The following MARCHF6 variants were observed in gnomAD, a reference collection of about 807,000 sequenced individuals.
MARCHF6 encodes membrane associated ring-CH-type finger 6.
In MARCHF6, 31 loss-of-function variants were observed where a neutral mutation model predicts 133.7. The observed-to-expected ratio is 0.23, with a 90% CI of 0.17 to 0.31. MARCHF6 has a LOEUF of 0.31. Ranked by LOEUF, MARCHF6 falls within the 10% of genes least tolerant of loss-of-function variation. The probability of loss-of-function intolerance (pLI) is 1.00; values close to 1 mark genes in which losing one functional copy is unlikely to be tolerated. For synonymous variants in MARCHF6, 395 were observed against 402.5 expected (o/e 0.98, Z 0.22); for missense variants, 723 against 1,121.6 (o/e 0.64, Z 5.08).
intron 1 of MARCHF6, among the ~76,000 whole-genome samples, chr5:10,363,043 C>CA (rs1367512282): frequency 1.3e-5 from 2 of 151,844 alleles, no homozygotes; most frequent in Admixed American, 6.6e-5. Flanking sequence ...AAAATTAACT[C>CA]AAAGGGCTGT....
chr5:10,371,676 C>T (rs1353215341), intron 1 of MARCHF6, among the ~76,000 whole-genome samples: 1 of 152,200 alleles, frequency 6.6e-6, no homozygotes, highest in Non-Finnish European at 1.5e-5. Flanking sequence ...GGTGGGGACA[C>T]AGCCAAACCA....
intron 17 of MARCHF6, among the ~76,000 whole-genome samples, chr5:10,408,258 C>A (rs1416961363): frequency 2.0e-5 from 3 of 152,140 alleles, no homozygotes; most frequent in Non-Finnish European, 4.4e-5. Context: ...GATTATTTTA[C>A]CCCTGTGTTT....
chr5:10,437,547 A>G lies in MARCHF6; in HGVS notation c.*3863A>G, dbSNP rs1199618074. ...ATATCTTTGGCATTAATACGACATA[A>G]AGACAAGACAGTATATGTATGTTTT... On this transcript the variant is annotated 3_prime_UTR_variant, in exon 26 of 26. Transcript: ENST00000274140. 2 of 152,236 alleles carry G rather than the reference A, an allele frequency of 1.3e-5. No homozygotes were observed. The highest frequency in any genetic ancestry group is 2.9e-5 in the Non-Finnish European group (2 of 68,044). The allele number at this position is 152,236 out of a possible 1,614,324, so 9.4% of individuals were successfully genotyped here. A position where few individuals can be genotyped will look rare whatever the true frequency, so the allele number is the denominator to read the frequency against.
At chr5:10,376,188 C>T (rs529207945) in intron 1 of MARCHF6, among the ~76,000 whole-genome samples, 216 of 152,306 alleles carry the variant, frequency 1.4e-3, no homozygotes, top group African/African-American at 4.9e-3. Context: ...ACTGCTCACT[C>T]TTTGGGTCCA....
chr5:10,360,275 G>T (rs1007921757), intron 1 of MARCHF6, among the ~76,000 whole-genome samples: 2 of 145,914 alleles, frequency 1.4e-5, no homozygotes, highest in Admixed American at 7.0e-5. Context: ...TCAGCCTCCC[G>T]AGTAGCTGGG....
chr5:10,425,893 C>A (rs1020489602), intron 23 of MARCHF6, among the ~76,000 whole-genome samples: 9 of 152,152 alleles, frequency 5.9e-5, no homozygotes, highest in Non-Finnish European at 1.0e-4. Context: ...AGAATTCTTT[C>A]ATACTAAATT....
At chr5:10,412,197 G>A (rs1739268296) in intron 19 of MARCHF6, among the ~76,000 whole-genome samples, 1 of 152,032 alleles carries the variant, frequency 6.6e-6, no homozygotes, top group South Asian at 2.1e-4. Context: ...GATTACTGTG[G>A]GTCACATGTG....
At chr5:10,406,536 C>T (rs1026036838) in intron 16 of MARCHF6, among the ~76,000 whole-genome samples, 1 of 151,790 alleles carries the variant, frequency 6.6e-6, no homozygotes, top group African/African-American at 2.4e-5. Flanking sequence ...ATTACAGGCG[C>T]CCACCACCAA....
intron 7 of MARCHF6, among the ~76,000 whole-genome samples, chr5:10,392,949 T>C (rs775891905): frequency 3.9e-5 from 6 of 152,196 alleles, no homozygotes; most frequent in Non-Finnish European, 8.8e-5. Flanking sequence ...ACCAAAACAT[T>C]AGGCTGCTGC....
chr5:10,408,165 G>A (rs1739021960), intron 17 of MARCHF6, among the ~76,000 whole-genome samples: 1 of 151,974 alleles, frequency 6.6e-6, no homozygotes, highest in Non-Finnish European at 1.5e-5. Flanking sequence ...AATCTAACTC[G>A]ATTTGCCACT....
intron 25 of MARCHF6, among the ~76,000 whole-genome samples, chr5:10,431,025 C>T (rs1740335721): frequency 6.6e-6 from 1 of 152,216 alleles, no homozygotes; most frequent in Non-Finnish European, 1.5e-5. Context: ...TTTATACCTG[C>T]TGCCTTTGTG....
At chr5:10,368,384 G>A (rs1300069663) in intron 1 of MARCHF6, among the ~76,000 whole-genome samples, 1 of 152,088 alleles carries the variant, frequency 6.6e-6, no homozygotes, top group Non-Finnish European at 1.5e-5. Context: ...TATAATACTG[G>A]CAGTTTGGGA....
chr5:10,424,409 T>C (rs1036890614), intron 23 of MARCHF6, among the ~76,000 whole-genome samples: 4 of 152,204 alleles, frequency 2.6e-5, no homozygotes, highest in African/African-American at 9.6e-5. Context: ...CTTTTGTCTT[T>C]ATACATTTAT....
rs1740087129 is a variant in MARCHF6, at chr5:10,426,378, G to A, written c.2374-12G>A. Reference sequence around the variant, plus strand: ...TGTATCTTTGTTCTAATTGCTTTTTGTAATGTTTCAGGTTTACGCAAATGG... The same window carrying A: ...TGTATCTTTGTTCTAATTGCTTTTTATAATGTTTCAGGTTTACGCAAATGG... On this transcript the variant is annotated splice_polypyrimidine_tract_variant and intron_variant, in intron 23 of 25. Coordinates refer to ENST00000274140, the MANE Select transcript of MARCHF6 (RefSeq NM_005885.4). The A allele has an allele frequency of 3.7e-6, 6 of 1,610,660 alleles. No homozygotes were observed. In the Admixed American group the frequency reaches 5.1e-5, roughly 14 times the overall value.
chr5:10,391,644 G>A lies in MARCHF6; in HGVS notation c.679G>A (p.Asp227Asn), dbSNP rs983116511. 3.6e-5 allele frequency: 58 copies of A among 1,611,514 alleles called. No homozygotes were observed. Among genetic ancestry groups the A allele is most frequent in the Non-Finnish European group, 4.7e-5 (55 of 1,179,088 alleles). ...VVGENPDAQD[D>N]QAEEEEEDNE... is the part of the protein sequence containing the mutation. ...GGGGGAAAACCCTGATGCCCAGGATGACCAGGCAGAAGAGGAGGAGGAGGA... is the reference window on the plus strand; with the variant it reads ...GGGGGAAAACCCTGATGCCCAGGATAACCAGGCAGAAGAGGAGGAGGAGGA... Residue 227 changes from aspartate (D) to asparagine (N), a missense_variant, in exon 7 of 26, where the codon GAC (aspartate) becomes AAC (asparagine). Physicochemically the swap from Asp to Asn is conservative, Grantham distance 23. Around this residue, in one of 4 missense-constraint regions of MARCHF6, gnomAD observed 97 missense variants for 115.4 expected, o/e 0.84. Transcript: ENST00000274140.
chr5:10,413,911 G>C (rs1263312834), intron 19 of MARCHF6, among the ~76,000 whole-genome samples: 1 of 152,126 alleles, frequency 6.6e-6, no homozygotes, highest in East Asian at 1.9e-4. Context: ...CAGTACAGGA[G>C]CACTAGTTTA....
chr5:10,379,594 G>A (rs1481270775), intron 3 of MARCHF6, among the ~76,000 whole-genome samples: 1 of 151,888 alleles, frequency 6.6e-6, no homozygotes. Context: ...CCGAGTAGCT[G>A]GGACTACAGG....
In MARCHF6 at chr5:10,435,384, A is replaced by G. The variant is rs897382955; in HGVS notation, c.*1700A>G. 3 of 151,576 alleles carry G rather than the reference A, an allele frequency of 2.0e-5. No homozygotes were observed. Among genetic ancestry groups the G allele is most frequent in the African/African-American group, 7.3e-5 (3 of 41,182 alleles). 9.4% of individuals were successfully genotyped at this position (151,576 alleles called of 1,614,324 possible). On this transcript the variant is annotated 3_prime_UTR_variant, in exon 26 of 26. Coordinates refer to ENST00000274140, the MANE Select transcript of MARCHF6 (RefSeq NM_005885.4). Reference sequence around the variant, plus strand: ...GGCCAACCTAGGCAAAATTGGAAAAAAAAAAAAAAATCAGTATCAGAAATA... The same window carrying G: ...GGCCAACCTAGGCAAAATTGGAAAAGAAAAAAAAAATCAGTATCAGAAATA...
At chr5:10,384,757 G>A (rs1737362498) in intron 4 of MARCHF6, among the ~76,000 whole-genome samples, 1 of 152,160 alleles carries the variant, frequency 6.6e-6, no homozygotes, top group Non-Finnish European at 1.5e-5. Flanking sequence ...AAGGGGGAGC[G>A]CATATGTTAT....
Sources: allele counts gnomAD v4.1 joint callset (sites outside exome capture counted in the v4.1 genomes callset), GRCh38; gene constraint gnomAD v4.1.1; regional missense constraint gnomAD v4.1.1; transcripts MANE v1.5; gene names NCBI Gene and HGNC (gene_info 2026-07-23, HGNC 2026-07-21).